Variants in PTPRQ observed in about 807,000 individuals in gnomAD.
The protein encoded by PTPRQ is phosphatidylinositol phosphatase PTPRQ.
A neutral mutation model predicts 246.0 loss-of-function variants in PTPRQ; 199 were observed. That is an observed-to-expected ratio of 0.81 (90% CI 0.72 to 0.91). PTPRQ has a LOEUF of 0.91. Ranked by LOEUF, PTPRQ falls within the 40% of genes least tolerant of loss-of-function variation. PTPRQ has a pLI of 0.00. For synonymous variants in PTPRQ, 869 were observed against 853.2 expected, an observed-to-expected ratio of 1.02 and a Z score of -0.32; for missense variants, 2,624 against 2,528.4, an observed-to-expected ratio of 1.04 and a Z score of -0.81.
intron 3 of PTPRQ, among the ~76,000 whole-genome samples, chr12:80,447,811 T>C (rs141348025): frequency 2.6e-5 from 4 of 152,172 alleles, no homozygotes; most frequent in Admixed American, 6.6e-5. Flanking sequence ...AGCTTTGTAG[T>C]ATAATTCGAA....
chr12:80,650,952 G>A (rs1167714457), intron 37 of PTPRQ, among the ~76,000 whole-genome samples: 1 of 151,894 alleles, frequency 6.6e-6, no homozygotes, highest in African/African-American at 2.4e-5. Context: ...ATTAAATTAT[G>A]TTTTAATAAA....
intron 17 of PTPRQ, among the ~76,000 whole-genome samples, chr12:80,531,905 A>C (rs1895855218): frequency 6.6e-6 from 1 of 152,158 alleles, no homozygotes; most frequent in South Asian, 2.1e-4. Flanking sequence ...GTGAACTACT[A>C]TGTTTTTATT....
intron 26 of PTPRQ, among the ~76,000 whole-genome samples, chr12:80,595,516 T>A (rs942972968): frequency 2.0e-4 from 30 of 152,056 alleles, no homozygotes; most frequent in African/African-American, 6.5e-4. Flanking sequence ...GCCAGTAGCT[T>A]TTCATGTTTG....
At chr12:80,666,717 A>G (rs967744367) in intron 39 of PTPRQ, among the ~76,000 whole-genome samples, 2 of 152,036 alleles carry the variant, frequency 1.3e-5, no homozygotes, top group African/African-American at 4.8e-5. Flanking sequence ...AGAAAAGATT[A>G]TTAAAAACTG....
intron 14 of PTPRQ, among the ~76,000 whole-genome samples, chr12:80,501,942 C>A (rs1309505681): frequency 1.4e-4 from 21 of 147,908 alleles, no homozygotes; most frequent in African/African-American, 1.7e-4. Flanking sequence ...GTATGATAGG[C>A]AAAAAAAAAT....
At chr12:80,635,610 G>A (rs1899617056) in intron 35 of PTPRQ, among the ~76,000 whole-genome samples, 1 of 152,014 alleles carries the variant, frequency 6.6e-6, no homozygotes, top group East Asian at 1.9e-4. Flanking sequence ...AGAGGGAAAA[G>A]TAAAAACATG....
At chr12:80,456,573 T>G (rs944823664) in intron 3 of PTPRQ, among the ~76,000 whole-genome samples, 3 of 152,178 alleles carry the variant, frequency 2.0e-5, no homozygotes, top group Non-Finnish European at 4.4e-5. Context: ...GTCAACCTAG[T>G]TCTGCTTAGA....
At chr12:80,549,099 C>T (rs1002649677) in intron 24 of PTPRQ, among the ~76,000 whole-genome samples, 2 of 152,064 alleles carry the variant, frequency 1.3e-5, no homozygotes, top group African/African-American at 4.8e-5. Flanking sequence ...AAAAATGTTC[C>T]ATAATAAAGT....
At chr12:80,617,303 G>C (rs1898799697) in intron 30 of PTPRQ, among the ~76,000 whole-genome samples, 1 of 151,062 alleles carries the variant, frequency 6.6e-6, no homozygotes, top group African/African-American at 2.4e-5. Flanking sequence ...GTACTATTAA[G>C]AATAAAAAAT....
chr12:80,675,520 G>A (rs1565854224), intron 43 of PTPRQ, among the ~76,000 whole-genome samples: 1 of 152,100 alleles, frequency 6.6e-6, no homozygotes, highest in Non-Finnish European at 1.5e-5. Context: ...TGCTCTCAAT[G>A]AAATTAAGGG....
intron 17 of PTPRQ, among the ~76,000 whole-genome samples, chr12:80,527,367 C>G (rs180675885): frequency 5.3e-5 from 8 of 151,872 alleles, no homozygotes; most frequent in African/African-American, 1.4e-4. Context: ...AAAAATTGAC[C>G]CTTTTCCAAA....
chr12:80,501,658 C>T (rs1159116436), intron 14 of PTPRQ, among the ~76,000 whole-genome samples: 5 of 151,846 alleles, frequency 3.3e-5, no homozygotes, highest in Non-Finnish European at 7.4e-5. Context: ...CAATACCACA[C>T]ATAGACTTTG....
At chr12:80,496,839 C>T (rs1238995288) in intron 14 of PTPRQ, among the ~76,000 whole-genome samples, 5 of 151,930 alleles carry the variant, frequency 3.3e-5, no homozygotes, top group East Asian at 1.9e-4. Context: ...TACTTGCTTT[C>T]GAGTTAGGTA....
chr12:80,635,162 G>A, intron 35 of PTPRQ, 89 bp downstream of exon 35: 1 of 1,481,754 alleles, frequency 6.7e-7, no homozygotes, highest in Non-Finnish European at 8.9e-7. Context: ...GTGTTTGTGG[G>A]GCTCTAATTT....
chr12:80,510,959 A>G (rs1199768885), intron 17 of PTPRQ, among the ~76,000 whole-genome samples: 1 of 152,214 alleles, frequency 6.6e-6, no homozygotes, highest in Non-Finnish European at 1.5e-5. Context: ...ATGAAATCCA[A>G]CATTGTATCT....
chr12:80,535,729 T>G (rs1404422222), intron 19 of PTPRQ, among the ~76,000 whole-genome samples: 1 of 152,228 alleles, frequency 6.6e-6, no homozygotes, highest in Non-Finnish European at 1.5e-5. Flanking sequence ...TTCTTCAAAT[T>G]AGATGTTTCA....
chr12:80,466,451 T>A (rs1376608295), intron 6 of PTPRQ, among the ~76,000 whole-genome samples: 20 of 152,284 alleles, frequency 1.3e-4, no homozygotes, highest in South Asian at 2.1e-4. Context: ...TTATAGATTC[T>A]ATGCCATCCC....
chr12:80,654,091 CT>C (rs1900349644), intron 38 of PTPRQ, among the ~76,000 whole-genome samples: 1 of 119,460 alleles, frequency 8.4e-6, no homozygotes, highest in Non-Finnish European at 1.8e-5. Context: ...CCTTTCTTTT[CT>C]TTTCTCTTTT....
At chr12:80,518,561 G>C (rs1452699873) in intron 17 of PTPRQ, among the ~76,000 whole-genome samples, 1 of 152,154 alleles carries the variant, frequency 6.6e-6, no homozygotes, top group East Asian at 1.9e-4. Context: ...TTTTCACCCA[G>C]ATCAATATCC....
Sources: gnomAD v4.1 joint callset for allele counts (sites outside exome capture counted in the v4.1 genomes callset) on GRCh38, gnomAD v4.1.1 for gene constraint, MANE v1.5 for transcripts, NCBI Gene and HGNC (gene_info 2026-07-23, HGNC 2026-07-21) for gene names.